The following EPHA1 variants were observed in gnomAD, a reference collection of about 807,000 sequenced individuals.
The protein encoded by EPHA1 is EPH receptor A1.
A neutral mutation model predicts 110.1 loss-of-function variants in EPHA1; 92 were observed. That is an observed-to-expected ratio of 0.84 (90% CI 0.71 to 0.99). The LOEUF (loss-of-function observed/expected upper bound fraction) is 0.99. EPHA1 is among the 50% of genes least tolerant of loss of function. The pLI, the probability that EPHA1 is intolerant of heterozygous loss-of-function variation, is 0.00. For missense variants in EPHA1, 1,204 were observed against 1,285.4 expected (o/e 0.94, Z 0.97); for synonymous variants, 500 against 516.1 (o/e 0.97, Z 0.42).
intron 4 of EPHA1, 105 bp from the exon 5 acceptor site, chr7:143,399,518 A>G: frequency 6.5e-7 from 1 of 1,550,190 alleles, no homozygotes; most frequent in Non-Finnish European, 8.7e-7. Flanking sequence ...ACATCTCTGC[A>G]TGTGTGTGTC....
At chr7:143,403,936 T>A (rs1328577255) in intron 2 of EPHA1, among the ~76,000 whole-genome samples, 1 of 152,240 alleles carries the variant, frequency 6.6e-6, no homozygotes, top group Non-Finnish European at 1.5e-5. Context: ...TAGACACGAA[T>A]CATTTCCTTC....
At chr7:143,400,177 G>A (rs1341445498) in intron 3 of EPHA1, 124 bp from the exon 4 acceptor site, 1 of 1,193,022 alleles carries the variant, frequency 8.4e-7, no homozygotes, top group South Asian at 1.7e-5. Context: ...TATGTGTGAG[G>A]TGCCAGGCTA....
intron 1 of EPHA1, 140 bp downstream of exon 1, chr7:143,408,583 CG>C (rs1166769933): frequency 2.7e-6 from 1 of 376,182 alleles, no homozygotes; most frequent in Non-Finnish European, 4.7e-6. Context: ...GATAGCCTGG[CG>C]GTCGGGCACA....
At chr7:143,398,115 CG>C in intron 7 of EPHA1, 45 bp from the exon 8 acceptor site, 1 of 1,606,806 alleles carries the variant, frequency 6.2e-7, no homozygotes, top group Non-Finnish European at 8.5e-7. Flanking sequence ...GAGCCAGACC[CG>C]GGTGGATGTG....
chr7:143,398,262 G>C, intron 7 of EPHA1, 59 bp downstream of exon 7: 1 of 1,606,016 alleles, frequency 6.2e-7, no homozygotes, highest in Non-Finnish European at 8.5e-7. Context: ...CCCAGGCTAG[G>C]AATGTTGGGG....
At chr7:143,408,654 G>C (rs952988292) in intron 1 of EPHA1, 70 bp downstream of exon 1, 4 of 389,798 alleles carry the variant, frequency 1.0e-5, no homozygotes, top group East Asian at 7.4e-5. Flanking sequence ...GCTTCTGCAG[G>C]GGGGTGCTGG....
chr7:143,393,550 C>T lies in EPHA1; in HGVS notation c.2696+121G>A. 3.6e-6 allele frequency: 4 copies of T among 1,114,366 alleles called. No individual in the cohort carries two copies. The highest frequency in any genetic ancestry group is 1.6e-5 in the South Asian group (1 of 62,958). 69.0% of individuals were successfully genotyped at this position (1,114,366 alleles called of 1,614,324 possible). ...CTCTCCCCAAGGGCACGTCTTGCCTCATACACTGGACTTGGTCCAGAGCTC... is the reference window on the plus strand; with the variant it reads ...CTCTCCCCAAGGGCACGTCTTGCCTTATACACTGGACTTGGTCCAGAGCTC... On this transcript the variant is annotated intron_variant, in intron 16 of 17. Coordinates refer to ENST00000275815, the MANE Select transcript of EPHA1 (RefSeq NM_005232.5). This position sits in a 1 kb window ranked among gnomAD's most constrained non-coding sequence, Gnocchi z 5.6.
intron 10 of EPHA1, 30 bp from the exon 11 acceptor site, chr7:143,396,540 C>T (rs935585378): frequency 5.0e-6 from 8 of 1,611,130 alleles, no homozygotes; most frequent in African/African-American, 2.7e-5. Context: ...TTGGGGAGTA[C>T]CAACATCAGG....
rs1805227225 is a variant in EPHA1, at chr7:143,395,764, G to C, written c.1898-260C>G. Among the ~76,000 whole-genome samples the C allele has an allele frequency of 6.6e-6, 1 of 152,230 alleles. No individual in the cohort carries two copies. The highest frequency in any genetic ancestry group is 2.1e-4 in the South Asian group (1 of 4,832). On this transcript the variant is annotated intron_variant, in intron 11 of 17. Coordinates refer to ENST00000275815, the MANE Select transcript of EPHA1 (RefSeq NM_005232.5). The surrounding 1 kb of genome is among the most constrained non-coding windows in gnomAD (Gnocchi z 4.7). ...TCACAATAGGCGCTCGGCAACTGCA[G>C]GGTGAATGAACCCTGTGGAGCGGGA...
Position 143,395,248 on chromosome 7 carries a change from TC to T in EPHA1, c.2084-67del. The T allele has an allele frequency of 6.2e-7, 1 of 1,613,164 alleles. No individual in the cohort carries two copies. The highest frequency in any genetic ancestry group is 8.5e-7 in the Non-Finnish European group (1 of 1,179,844). On this transcript the variant is annotated intron_variant, in intron 12 of 17. Coordinates refer to ENST00000275815, the MANE Select transcript of EPHA1 (RefSeq NM_005232.5). The surrounding 1 kb of genome is among the most constrained non-coding windows in gnomAD (Gnocchi z 4.7). ...CCTGCCCTTGGCCACACATCCTCCC[TC>T]CACTTCCAGTGGTTTCACCCCTCTT...
intron 10 of EPHA1, 120 bp downstream of exon 10, chr7:143,397,184 G>C (rs1481525614): frequency 1.2e-5 from 15 of 1,219,988 alleles, no homozygotes; most frequent in Middle Eastern, 3.9e-4. Context: ...TGTGCCCCCA[G>C]AGTTGGCCTA....
At chr7:143,405,315 A>G (rs1405369810) in intron 2 of EPHA1, among the ~76,000 whole-genome samples, 1 of 152,204 alleles carries the variant, frequency 6.6e-6, no homozygotes, top group African/African-American at 2.4e-5. Flanking sequence ...TCCAGCAGTG[A>G]CAGATGGGCG....
At chr7:143,407,933 G>A (rs1486523009) in intron 1 of EPHA1, 1 of 310,114 alleles carries the variant, frequency 3.2e-6, no homozygotes, top group African/African-American at 2.2e-5. Flanking sequence ...TTTGACCAAA[G>A]TCAATGCAAG....
intron 1 of EPHA1, among the ~76,000 whole-genome samples, chr7:143,408,513 G>A (rs1279103686): frequency 6.6e-6 from 1 of 152,002 alleles, no homozygotes; most frequent in Admixed American, 6.5e-5. Context: ...GGGAGTGGGG[G>A]TGACTGACCC....
intron 1 of EPHA1, 52 bp from the exon 2 acceptor site, chr7:143,407,730 T>C: frequency 6.7e-7 from 1 of 1,496,276 alleles, no homozygotes; most frequent in South Asian, 1.1e-5. Context: ...GAGGTGCCCC[T>C]GCAGCCCACA....
In EPHA1 at chr7:143,391,682, G is replaced by A. The variant is rs1805090093; in HGVS notation, c.2790C>T (p.Tyr930=). The A allele has an allele frequency of 6.2e-7, 1 of 1,614,128 alleles. No individual in the cohort carries two copies. The highest frequency in any genetic ancestry group is 8.5e-7 in the Non-Finnish European group (1 of 1,180,050). Residue 930 remains tyrosine (Y), a synonymous_variant, in exon 17 of 18, where the codon TAC becomes TAT. Transcript: ENST00000275815. ...GCCCAGCCGAGTGGAAGTGCAGGAT[G>A]TAGCGTTTCATGCGTATGGACTCGA... ...EWLESIRMKR[Y]ILHFHSAGLD... is the part of the protein sequence containing the mutation.
Position 143,394,212 on chromosome 7 carries a change from C to G in EPHA1, c.2484G>C (p.Gly828=), listed in dbSNP as rs1805174622. 6.2e-7 allele frequency: 1 copy of G among 1,613,706 alleles called. No individual in the cohort carries two copies. The highest frequency in any genetic ancestry group is 1.3e-5 in the African/African-American group (1 of 74,978). ...EVLSFGDKPY[G]EMSNQEVMKS... ...GGCTCACCTCCTGATTGCTCATCTCCCCATAAGGCTTGTCCCCAAAGCTCA... is the reference window on the plus strand; with the variant it reads ...GGCTCACCTCCTGATTGCTCATCTCGCCATAAGGCTTGTCCCCAAAGCTCA... Residue 828 remains glycine (G), a synonymous_variant, in exon 15 of 18, where the codon GGG becomes GGC. Transcript: ENST00000275815.
chr7:143,395,290 CCCCAGCT>C lies in EPHA1; in HGVS notation c.2083+22_2083+28del, dbSNP rs1805212481. 5 of 1,613,848 alleles carry C rather than the reference CCCCAGCT, an allele frequency of 3.1e-6. No individual in the cohort carries two copies. The South Asian group carries it at 5.5e-5, about 18-fold the overall frequency. ...CACCCCTCTTTCCTGCATTTCCCGC[CCCCAGCT>C]GAGGGAGACCACTCATCGTACGCTT... is the stretch of plus-strand genomic sequence containing the variant. On this transcript the variant is annotated intron_variant, in intron 12 of 17. Transcript: ENST00000275815. The surrounding 1 kb of genome is among the most constrained non-coding windows in gnomAD (Gnocchi z 4.7).
intron 3 of EPHA1, among the ~76,000 whole-genome samples, chr7:143,400,594 T>G (rs1440622377): frequency 6.6e-6 from 1 of 152,244 alleles, no homozygotes; most frequent in African/African-American, 2.4e-5. Flanking sequence ...AGTACTAGCC[T>G]GCAGGGAATT....
Sources: gnomAD v4.1 joint callset for allele counts (sites outside exome capture counted in the v4.1 genomes callset) on GRCh38, gnomAD v4.1.1 for gene constraint, Gnocchi (gnomAD v3.1) non-coding constraint, MANE v1.5 for transcripts, NCBI Gene and HGNC (gene_info 2026-07-23, HGNC 2026-07-21) for gene names.